SPOCK1: variants seen among roughly 807,000 people sequenced by gnomAD.
SPOCK1 encodes the protein SPARC (osteonectin), cwcv and kazal like domains proteoglycan 1, also known as testican-1.
A neutral mutation model predicts 55.3 loss-of-function variants in SPOCK1; 23 were observed. The ratio of observed to expected loss-of-function variants is 0.42; its 90% CI spans 0.30 to 0.59. The LOEUF (loss-of-function observed/expected upper bound fraction) is 0.59, where lower values mean the gene tolerates loss of function less well. Ranked by LOEUF, SPOCK1 falls within the 20% of genes least tolerant of loss-of-function variation. The pLI, the probability that SPOCK1 is intolerant of heterozygous loss-of-function variation, is 0.22. For missense variants in SPOCK1, 499 were observed against 552.5 expected (o/e 0.90, Z 0.97); for synonymous variants, 226 against 221.0 (o/e 1.02, Z -0.20).
chr5:137,102,884 C>T (rs1753296160), intron 5 of SPOCK1, among the ~76,000 whole-genome samples: 1 of 152,108 alleles, frequency 6.6e-6, no homozygotes, highest in Non-Finnish European at 1.5e-5. Context: ...TTAATATGCT[C>T]AATAATTACT....
intron 7 of SPOCK1, among the ~76,000 whole-genome samples, chr5:136,990,977 C>G (rs1329924005): frequency 2.0e-5 from 3 of 152,182 alleles, no homozygotes; most frequent in Admixed American, 2.0e-4. Flanking sequence ...AGGGCTTCCC[C>G]TTCAGAACTC....
At chr5:137,026,829 G>A (rs1214986306) in intron 6 of SPOCK1, among the ~76,000 whole-genome samples, 1 of 152,158 alleles carries the variant, frequency 6.6e-6, no homozygotes, top group East Asian at 1.9e-4. Flanking sequence ...CAGGCTGGAT[G>A]GCTTGGTGGA....
chr5:136,996,111 G>C (rs998960340), intron 6 of SPOCK1, among the ~76,000 whole-genome samples: 17 of 152,202 alleles, frequency 1.1e-4, no homozygotes, highest in African/African-American at 9.7e-5. Flanking sequence ...AAAAGTGCCT[G>C]CCTTTTAAGG....
chr5:137,342,526 C>A (rs752914073), intron 2 of SPOCK1, among the ~76,000 whole-genome samples: 11 of 152,102 alleles, frequency 7.2e-5, no homozygotes, highest in Non-Finnish European at 2.9e-5. Context: ...TCTTTCCTAC[C>A]CATTCAGGAG....
chr5:137,206,821 C>T (rs1424581551), intron 3 of SPOCK1, among the ~76,000 whole-genome samples: 2 of 152,058 alleles, frequency 1.3e-5, no homozygotes. Context: ...TGATTTAATC[C>T]TCAAATGCTC....
rs186064382 is a variant in SPOCK1 at position 137,017,560 on chromosome 5, C to T, written c.590-24960G>A. 1.3e-4 allele frequency among the ~76,000 whole-genome samples: 20 copies of T among 152,120 alleles called. No homozygotes were observed. The East Asian group carries it at 1.5e-3, about 12-fold the overall frequency. On this transcript the variant is annotated intron_variant, in intron 6 of 10. Transcript: ENST00000394945. Reference sequence around the variant, plus strand: ...GACAGAACCACAAAACAATATATGACGCTGAAAAGGTAATAACACAATGAA... The same window carrying T: ...GACAGAACCACAAAACAATATATGATGCTGAAAAGGTAATAACACAATGAA...
At chr5:137,216,423 C>G (rs1312435618) in intron 3 of SPOCK1, among the ~76,000 whole-genome samples, 2 of 152,192 alleles carry the variant, frequency 1.3e-5, no homozygotes, top group Non-Finnish European at 2.9e-5. Context: ...AGGATCATAA[C>G]AGTAAGGCCG....
chr5:137,416,109 G>A (rs1003142083), intron 2 of SPOCK1, among the ~76,000 whole-genome samples: 1 of 151,686 alleles, frequency 6.6e-6, no homozygotes, highest in East Asian at 1.9e-4. Context: ...AAAAGGAAAA[G>A]AACACATTTC....
intron 6 of SPOCK1, among the ~76,000 whole-genome samples, chr5:137,032,378 G>A (rs1266687646): frequency 2.0e-5 from 3 of 152,190 alleles, no homozygotes; most frequent in South Asian, 2.1e-4. Flanking sequence ...CAATGAGAAT[G>A]AGCCTGGTTA....
chr5:137,058,127 C>T (rs17170903), intron 6 of SPOCK1, among the ~76,000 whole-genome samples: 1,691 of 152,216 alleles, frequency 0.011, 26 homozygotes, highest in African/African-American at 0.039. Context: ...TTAAAGTGTG[C>T]GGATGGACAC....
At chr5:137,278,861 C>T (rs893163113) in intron 2 of SPOCK1, among the ~76,000 whole-genome samples, 6 of 152,126 alleles carry the variant, frequency 3.9e-5, no homozygotes, top group Non-Finnish European at 8.8e-5. Flanking sequence ...GTCTTTAGAA[C>T]AAGAGCAATG....
intron 2 of SPOCK1, among the ~76,000 whole-genome samples, chr5:137,271,185 A>G (rs910286804): frequency 2.6e-5 from 4 of 151,920 alleles, no homozygotes; most frequent in African/African-American, 9.7e-5. Context: ...ACAGCTGATC[A>G]ACAAAGATAA....
At chr5:137,474,565 C>T (rs1234497912) in intron 2 of SPOCK1, among the ~76,000 whole-genome samples, 1 of 152,186 alleles carries the variant, frequency 6.6e-6, no homozygotes, top group African/African-American at 2.4e-5. Flanking sequence ...TACCAGTCCT[C>T]ATTAGAAGGA....
intron 2 of SPOCK1, among the ~76,000 whole-genome samples, chr5:137,406,313 G>A (rs1286222754): frequency 6.6e-6 from 1 of 152,182 alleles, no homozygotes; most frequent in Non-Finnish European, 1.5e-5. Flanking sequence ...ATTAATTCTA[G>A]GACTGAGGTG....
intron 2 of SPOCK1, among the ~76,000 whole-genome samples, chr5:137,457,150 T>A (rs1753383745): frequency 6.6e-6 from 1 of 151,838 alleles, no homozygotes; most frequent in South Asian, 2.1e-4. Context: ...GAAGAAGGAG[T>A]TTCACATATG....
rs1011020939 is a variant in SPOCK1, at chr5:136,978,649, G to A, written c.*5C>T. On this transcript the variant is annotated 3_prime_UTR_variant, in exon 11 of 11. Transcript: ENST00000394945. ...GCAAAACTTGTGTCCTCTTTCTTGT[G>A]GGCACTACCATATGTACCCGACCTC... The A allele has an allele frequency of 8.2e-6, 13 of 1,589,392 alleles. No individual in the cohort carries two copies. The highest frequency in any genetic ancestry group is 1.0e-5 in the Non-Finnish European group (12 of 1,170,330).
intron 6 of SPOCK1, among the ~76,000 whole-genome samples, chr5:137,060,192 T>A (rs1752370201): frequency 6.6e-6 from 1 of 152,182 alleles, no homozygotes; most frequent in African/African-American, 2.4e-5. Context: ...AGACATGCAA[T>A]CAACCTAAAA....
chr5:137,393,300 A>G (rs547771203), intron 2 of SPOCK1, among the ~76,000 whole-genome samples: 1 of 152,292 alleles, frequency 6.6e-6, no homozygotes, highest in African/African-American at 2.4e-5. Flanking sequence ...AGAAGCTTGA[A>G]AAAACACTAG....
At chr5:137,302,122 C>T (rs1757603225) in intron 2 of SPOCK1, among the ~76,000 whole-genome samples, 1 of 152,098 alleles carries the variant, frequency 6.6e-6, no homozygotes, top group Non-Finnish European at 1.5e-5. Flanking sequence ...CTGGTCCACT[C>T]CACAGAAACG....
Sources: allele counts gnomAD v4.1 joint callset (sites outside exome capture counted in the v4.1 genomes callset), GRCh38; gene constraint gnomAD v4.1.1; transcripts MANE v1.5; gene names NCBI Gene and HGNC (gene_info 2026-07-23, HGNC 2026-07-21).